Variants in RHPN1 observed in about 807,000 individuals in gnomAD.
RHPN1 encodes rhophilin Rho GTPase binding protein 1, also known as rhophilin-1.
Under a neutral mutation model 74.7 loss-of-function variants are expected in RHPN1, and 77 were observed. The ratio of observed to expected loss-of-function variants is 1.03; its 90% CI spans 0.86 to 1.25. The LOEUF (loss-of-function observed/expected upper bound fraction) is 1.25, where lower values mean the gene tolerates loss of function less well. Ranked by LOEUF, RHPN1 falls within the 50% of genes most tolerant of loss-of-function variation. RHPN1 has a pLI of 0.00. For missense variants in RHPN1, 987 were observed against 932.2 expected, an observed-to-expected ratio of 1.06 and a Z score of -0.77; for synonymous variants, 444 against 414.5, an observed-to-expected ratio of 1.07 and a Z score of -0.87.
In RHPN1 at chr8:143,384,189, T is replaced by C. The variant is rs1275454450; in HGVS notation, c.*1538T>C. On this transcript the variant is annotated 3_prime_UTR_variant, in exon 15 of 15. Transcript: ENST00000289013. ...GTCACGCAGGTCTCCCCAGCACGTG[T>C]TAATTTGGTTAATAAAACTGTGGAT... The C allele has an allele frequency of 6.8e-6, 1 of 148,124 alleles. No individual in the cohort carries two copies. Among genetic ancestry groups the C allele is most frequent in the Non-Finnish European group, 1.5e-5 (1 of 65,944 alleles). The allele number at this position is 148,124 out of a possible 1,614,324, so 9.2% of individuals were successfully genotyped here. A position where few individuals can be genotyped will look rare whatever the true frequency, so the allele number is the denominator to read the frequency against.
upstream of RHPN1, among the ~76,000 whole-genome samples, chr8:143,366,194 T>G (rs1406134427): frequency 6.6e-6 from 1 of 151,868 alleles, no homozygotes; most frequent in Non-Finnish European, 1.5e-5. Flanking sequence ...CCATCAGCAA[T>G]TATCACCTCA....
Position 143,382,585 on chromosome 8 carries a change from C to A in RHPN1, c.1947C>A (p.Cys649Ter), listed in dbSNP as rs753110030. Reference protein sequence around the residue: ...RKAQQGKTGGCPQPCAPVKPA... With the variant: ...RKAQQGKTGG ...CCCAGCAGGGCAAGACTGGAGGCTG[C>A]CCCCAGCCCTGTGCCCCAGTGAAGC... Residue 649 changes from cysteine to a stop codon, truncating the protein, a stop_gained, in exon 15 of 15, where the codon TGC becomes TGA. Coordinates refer to ENST00000289013, the MANE Select transcript of RHPN1 (RefSeq NM_052924.3). LOFTEE classifies it low-confidence loss of function (END_TRUNC). The A allele has an allele frequency of 1.1e-5, 17 of 1,611,238 alleles. No individual in the cohort carries two copies. The highest frequency in any genetic ancestry group is 1.4e-5 in the Non-Finnish European group (16 of 1,179,708).
At position 143,369,024 on chromosome 8, in the gene RHPN1, G is replaced by A. The variant is rs1817655359; in HGVS notation, c.37G>A (p.Gly13Ser). ...LEERPDGAGA[G>S]EESPRLQGCD... ...GGAGAGGCCGGACGGCGCGGGCGCC[G>A]GCGAGGAGAGCCCGCGGCTGCAGGT... The change falls in exon 1 of 15, where the codon GGC becomes AGC. Residue 13 changes from glycine (G) to serine (S), a missense_variant. Gly to Ser is a moderately conservative substitution (Grantham distance 56). Coordinates refer to ENST00000289013, the MANE Select transcript of RHPN1 (RefSeq NM_052924.3). The A allele has an allele frequency of 2.0e-6, 3 of 1,495,478 alleles. No individual in the cohort carries two copies. Among genetic ancestry groups the A allele is most frequent in the African/African-American group, 2.9e-5 (2 of 68,632 alleles). 92.6% of individuals were successfully genotyped at this position (1,495,478 alleles called of 1,614,324 possible). A position where few individuals can be genotyped will look rare whatever the true frequency, so the allele number is the denominator to read the frequency against.
In RHPN1 at chr8:143,379,982, TC is replaced by T. The variant is rs1458487429; in HGVS notation, c.1102del (p.Pro368GlnfsTer43). ...YHVAMALCDG[S>X]PATEGELPTH... ...CGTAGCCATGGCCCTCTGCGACGGC[TC>T]CCGTGAGTGCCCACCACACTTGCCC... On this transcript the variant is annotated frameshift_variant and splice_region_variant, in exon 9 of 15. Transcript: ENST00000289013. LOFTEE classifies it high-confidence loss of function. The T allele has an allele frequency of 6.4e-7, 1 of 1,560,364 alleles. No individual in the cohort carries two copies. Among genetic ancestry groups the T allele is most frequent in the Non-Finnish European group, 8.7e-7 (1 of 1,153,434 alleles).
At chr8:143,379,643 G>T (rs1818561757) in intron 8 of RHPN1, 135 bp downstream of exon 8, 9 of 1,443,900 alleles carry the variant, frequency 6.2e-6, no homozygotes, top group Non-Finnish European at 8.2e-6. Flanking sequence ...CCTGCTCCCT[G>T]GGGGGGCTGG....
upstream of RHPN1, among the ~76,000 whole-genome samples, chr8:143,365,501 C>T (rs535150530): frequency 1.2e-4 from 18 of 152,324 alleles, no homozygotes; most frequent in South Asian, 4.1e-4. Context: ...AAGAAGCTGG[C>T]GCTGTGAGGA....
chr8:143,365,076 A>G (rs1370343554), upstream of RHPN1, among the ~76,000 whole-genome samples: 1 of 152,164 alleles, frequency 6.6e-6, no homozygotes, highest in Non-Finnish European at 1.5e-5. Flanking sequence ...CAGGCGCAAC[A>G]GTGGCCAAAA....
chr8:143,368,914 A>C lies in RHPN1; in HGVS notation c.-74A>C. 4.0e-6 allele frequency: 5 copies of C among 1,259,692 alleles called. No individual in the cohort carries two copies. Among genetic ancestry groups the C allele is most frequent in the Non-Finnish European group, 5.2e-6 (5 of 966,728 alleles). The allele number at this position is 1,259,692 out of a possible 1,614,324, so 78.0% of individuals were successfully genotyped here. A position where few individuals can be genotyped will look rare whatever the true frequency, so the allele number is the denominator to read the frequency against. On this transcript the variant is annotated 5_prime_UTR_variant, in exon 1 of 15. Transcript: ENST00000289013. Reference sequence around the variant, plus strand: ...CGGCCCAGGTGGTGCGGGCGGCCCTAGCCCGGCTGCGGAGCGCTGCGCGAG... The same window carrying C: ...CGGCCCAGGTGGTGCGGGCGGCCCTCGCCCGGCTGCGGAGCGCTGCGCGAG...
intron 5 of RHPN1, 111 bp from the exon 6 acceptor site, chr8:143,378,585 T>TGTG: frequency 7.1e-7 from 1 of 1,402,114 alleles, no homozygotes; most frequent in South Asian, 1.4e-5. Context: ...AGGGCCCCAC[T>TGTG]GGCTTTGCCT....
At position 143,378,960 on chromosome 8, in the gene RHPN1, C is replaced by T. The variant is rs1044033503; in HGVS notation, c.633C>T (p.Phe211=). 7 of 1,571,344 alleles carry T rather than the reference C, an allele frequency of 4.5e-6. No homozygotes were observed. The highest frequency in any genetic ancestry group is 1.4e-5 in the African/African-American group (1 of 73,584). ...CGGCCCAGCAGCGTGCCCTGGCCTT[C>T]GAGAAGGGCAGCGTTCTCTTCAACA... The part of the protein sequence containing the change: ...GVPAQQRALA[F]EKGSVLFNIG... The change falls in exon 7 of 15, where the codon TTC becomes TTT. Residue 211 remains phenylalanine, a synonymous_variant. Coordinates refer to ENST00000289013, the MANE Select transcript of RHPN1 (RefSeq NM_052924.3).
At chr8:143,365,889 T>A (rs1817551135), upstream of RHPN1, among the ~76,000 whole-genome samples, 1 of 151,626 alleles carries the variant, frequency 6.6e-6, no homozygotes, top group African/African-American at 2.4e-5. Context: ...CCCTGCTACT[T>A]GGGAGACCGA....
Position 143,376,802 on chromosome 8 carries a change from C to G in RHPN1, c.305+149C>G. ...TGTGTGCATGTGTGTGCATGCATGT[C>G]TGTGCGCGTGTGTCTGTGTGCATGT... is the stretch of plus-strand genomic sequence containing the variant. On this transcript the variant is annotated intron_variant, in intron 3 of 14. Coordinates refer to ENST00000289013, the MANE Select transcript of RHPN1 (RefSeq NM_052924.3). The G allele has an allele frequency of 2.2e-6, 2 of 919,440 alleles. No homozygotes were observed. The highest frequency in any genetic ancestry group is 1.8e-5 in the African/African-American group (1 of 55,852). The allele number at this position is 919,440 out of a possible 1,614,324, so 57.0% of individuals were successfully genotyped here.
intron 1 of RHPN1, among the ~76,000 whole-genome samples, chr8:143,369,353 C>T (rs955739361): frequency 2.0e-5 from 3 of 152,172 alleles, no homozygotes; most frequent in African/African-American, 7.2e-5. Flanking sequence ...GCTCTGTGAG[C>T]GCCCTCCCCA....
In RHPN1 at chr8:143,383,965, G is replaced by A. The variant is rs1818906478; in HGVS notation, c.*1314G>A. The stretch of plus-strand genomic sequence containing the variant: ...CTCTGGTTCCAGGGTCCAGGGCCCT[G>A]CGCTGCCACCTCCCTCGTGCTTCAG... On this transcript the variant is annotated 3_prime_UTR_variant, in exon 15 of 15. Coordinates refer to ENST00000289013, the MANE Select transcript of RHPN1 (RefSeq NM_052924.3). The A allele has an allele frequency of 6.6e-6, 1 of 152,406 alleles. No individual in the cohort carries two copies. The highest frequency in any genetic ancestry group is 2.4e-5 in the African/African-American group (1 of 41,576). 9.4% of individuals were successfully genotyped at this position (152,406 alleles called of 1,614,324 possible).
At chr8:143,367,329 CTACAAAATA>C (rs1817578945), upstream of RHPN1, 2 of 152,252 alleles carry the variant, frequency 1.3e-5, no homozygotes, top group Non-Finnish European at 2.9e-5. Flanking sequence ...AACCCTGTCT[CTACAAAATA>C]TACAAAAATT....
chr8:143,370,769 C>T (rs764403763), intron 1 of RHPN1, among the ~76,000 whole-genome samples: 5 of 152,230 alleles, frequency 3.3e-5, no homozygotes, highest in Non-Finnish European at 7.3e-5. Context: ...CCCAGGGTGG[C>T]CAACCCAGCT....
chr8:143,370,917 T>G (rs1350245138), intron 1 of RHPN1, among the ~76,000 whole-genome samples: 1 of 152,148 alleles, frequency 6.6e-6, no homozygotes, highest in Non-Finnish European at 1.5e-5. Context: ...GGGAGAGCGT[T>G]GGAGCAGCAG....
Position 143,380,891 on chromosome 8 carries a change from A to G in RHPN1, c.1411+108A>G, listed in dbSNP as rs754428058. ...ATTAAAGATGCAGTCACCACGATGA[A>G]TTAAACAGCAGTAGCACTTTCCAGG... On this transcript the variant is annotated intron_variant, in intron 11 of 14. Transcript: ENST00000289013. 10 of 940,192 alleles carry G rather than the reference A, an allele frequency of 1.1e-5. No homozygotes were observed. In the Admixed American group the frequency reaches 1.2e-4, roughly 11 times the overall value. The allele number at this position is 940,192 out of a possible 1,614,324, so 58.2% of individuals were successfully genotyped here. A position where few individuals can be genotyped will look rare whatever the true frequency, so the allele number is the denominator to read the frequency against.
chr8:143,377,405 C>T lies in RHPN1; in HGVS notation c.331C>T (p.Pro111Ser). ...CGAAGCTGTCACTGTCCCCATGATCCCCCTGGGCCTGAAGGAGACCAAGGA... is the reference window on the plus strand; with the variant it reads ...CGAAGCTGTCACTGTCCCCATGATCTCCCTGGGCCTGAAGGAGACCAAGGA... ...GSEAVTVPMI[P>S]LGLKETKELD... is the part of the protein sequence containing the mutation. Residue 111 changes from proline to serine, a missense_variant, in exon 4 of 15, where the codon CCC (proline) becomes TCC (serine). Physicochemically the swap from Pro to Ser is moderately conservative, Grantham distance 74. Transcript: ENST00000289013. The T allele has an allele frequency of 6.2e-7, 1 of 1,613,432 alleles. No homozygotes were observed. Among genetic ancestry groups the T allele is most frequent in the South Asian group, 1.1e-5 (1 of 91,078 alleles).
Sources: gnomAD v4.1 joint callset for allele counts (sites outside exome capture counted in the v4.1 genomes callset) on GRCh38, gnomAD v4.1.1 for gene constraint, MANE v1.5 for transcripts, NCBI Gene and HGNC (gene_info 2026-07-23, HGNC 2026-07-21) for gene names.